Variants in SYNPR observed in about 807,000 individuals in gnomAD.
SYNPR encodes the protein synaptoporin.
Under a neutral mutation model 32.9 loss-of-function variants are expected in SYNPR, and 23 were observed. The observed-to-expected ratio is 0.70, with a 90% CI of 0.50 to 0.99. SYNPR has a LOEUF of 0.99. Ranked by LOEUF, SYNPR falls within the 50% of genes least tolerant of loss-of-function variation. SYNPR has a pLI of 0.00. For missense variants in SYNPR, 318 were observed against 349.3 expected (o/e 0.91, Z 0.71); for synonymous variants, 146 against 135.9 (o/e 1.07, Z -0.52).
At chr3:63,277,440 C>A (rs559737931), upstream of SYNPR, among the ~76,000 whole-genome samples, 10 of 152,196 alleles carry the variant, frequency 6.6e-5, no homozygotes, top group South Asian at 2.1e-3. Flanking sequence ...AACAGTCTAA[C>A]TTTGGAGGAG....
chr3:63,353,116 T>A (rs942434060), intron 2 of SYNPR, among the ~76,000 whole-genome samples: 1 of 152,392 alleles, frequency 6.6e-6, no homozygotes, highest in Non-Finnish European at 1.5e-5. Flanking sequence ...CATTCCAGGT[T>A]CTTTGTCTCT....
chr3:63,328,686 G>A (rs1465243639), intron 2 of SYNPR, among the ~76,000 whole-genome samples: 1 of 152,154 alleles, frequency 6.6e-6, no homozygotes, highest in Non-Finnish European at 1.5e-5. Flanking sequence ...CATCCAATTG[G>A]AGAGTTGATG....
chr3:63,290,215 C>A (rs564739708), intron 2 of SYNPR, among the ~76,000 whole-genome samples: 243 of 152,194 alleles, frequency 1.6e-3, no homozygotes, highest in Middle Eastern at 0.01. Flanking sequence ...ACAGCTATAG[C>A]TAGTATGTTA....
At chr3:63,320,480 C>T (rs1181877730) in intron 2 of SYNPR, among the ~76,000 whole-genome samples, 1 of 151,950 alleles carries the variant, frequency 6.6e-6, no homozygotes, top group Non-Finnish European at 1.5e-5. Flanking sequence ...TGTAAAGCCA[C>T]ACCTTGTAAA....
At chr3:63,505,901 C>T (rs1701577903) in intron 3 of SYNPR, among the ~76,000 whole-genome samples, 1 of 152,014 alleles carries the variant, frequency 6.6e-6, no homozygotes, top group African/African-American at 2.4e-5. Context: ...CTTTGCCAAC[C>T]CTTTTATTGA....
At chr3:63,358,271 C>A (rs545424700) in intron 2 of SYNPR, among the ~76,000 whole-genome samples, 5 of 152,306 alleles carry the variant, frequency 3.3e-5, no homozygotes, top group Non-Finnish European at 7.3e-5. Flanking sequence ...CAGGTGTTCA[C>A]GGGGCTGTGA....
rs2086596665 is a variant in SYNPR, at chr3:63,278,466, C to T, written c.-68C>T. 3.3e-6 allele frequency: 5 copies of T among 1,514,678 alleles called. No homozygotes were observed. The East Asian group carries it at 1.2e-4, about 37-fold the overall frequency. 93.8% of individuals were successfully genotyped at this position (1,514,678 alleles called of 1,614,324 possible). ...CCGAAGGGGCTTCTGGCCCTGAGGA[C>T]GGTGGTGCCAAGCGAACTTCATTTT... On this transcript the variant is annotated 5_prime_UTR_variant, in exon 1 of 6. It adds an upstream start codon to the 5' untranslated region. Coordinates refer to ENST00000478300, the MANE Select transcript of SYNPR (RefSeq NM_001130003.2).
intron 2 of SYNPR, among the ~76,000 whole-genome samples, chr3:63,305,151 T>A (rs1335129080): frequency 6.6e-6 from 1 of 151,956 alleles, no homozygotes; most frequent in Non-Finnish European, 1.5e-5. Context: ...GACTAAAGCC[T>A]CCAGGCAATA....
the SYNPR span, among the ~76,000 whole-genome samples, chr3:63,203,807 G>A: frequency 6.6e-6 from 1 of 151,164 alleles, no homozygotes; most frequent in East Asian, 1.9e-4. Flanking sequence ...GACCAGCCAG[G>A]CCAATCTGGT....
intron 2 of SYNPR, chr3:63,289,504 G>C (rs2086718103): frequency 6.5e-6 from 1 of 154,596 alleles, no homozygotes; most frequent in East Asian, 1.9e-4. Context: ...CAAAAGGTGA[G>C]GAGAAGGTGC....
intron 3 of SYNPR, among the ~76,000 whole-genome samples, chr3:63,510,915 C>CTGTGTGTGTGTGTGTGTGTGTGTGTG (rs755622968): frequency 0.015 from 2,256 of 149,122 alleles, 36 homozygotes; most frequent in Non-Finnish European, 0.024. Context: ...AAAGGTACAA[C>CTGTGTGTGTGTGTGTGTGTGTGTGTG]TGTGTGTGTG....
chr3:63,512,970 A>G (rs967471084), intron 3 of SYNPR, among the ~76,000 whole-genome samples: 6 of 152,100 alleles, frequency 3.9e-5, no homozygotes, highest in African/African-American at 1.4e-4. Context: ...TTTTAGTCCT[A>G]TGGTTAGCAC....
chr3:63,271,108 C>T lies in SYNPR; in HGVS notation n.287+3659C>T, dbSNP rs369287144. Among the ~76,000 whole-genome samples the T allele has an allele frequency of 1.7e-4, 26 of 151,524 alleles. No homozygotes were observed. In the South Asian group the frequency reaches 4.8e-3, roughly 28 times the overall value. On this transcript the variant is annotated intron_variant and non_coding_transcript_variant, in intron 3 of 4. Transcript: ENST00000478456. ...ATTTTAATCTGTTTTCTATTTCTGG[C>T]GAAGAACCTATGTAATTGTACCTTT...
chr3:63,359,248 A>C (rs1235809089), intron 2 of SYNPR, among the ~76,000 whole-genome samples: 1 of 152,180 alleles, frequency 6.6e-6, no homozygotes, highest in Non-Finnish European at 1.5e-5. Flanking sequence ...TTTTGATATC[A>C]TGTAGATAAA....
intron 2 of SYNPR, among the ~76,000 whole-genome samples, chr3:63,360,132 T>A (rs778780727): frequency 1.3e-5 from 2 of 152,176 alleles, no homozygotes; most frequent in Non-Finnish European, 2.9e-5. Context: ...AAATAAAATA[T>A]GTAATTATCT....
chr3:63,243,986 A>T (rs1457473064), intron 1 of SYNPR, among the ~76,000 whole-genome samples: 1 of 152,150 alleles, frequency 6.6e-6, no homozygotes, highest in East Asian at 1.9e-4. Flanking sequence ...GAGCCCTTTA[A>T]GTATTTCAAA....
intron 2 of SYNPR, among the ~76,000 whole-genome samples, chr3:63,346,565 G>A (rs190625114): frequency 1.0e-3 from 153 of 152,146 alleles, no homozygotes; most frequent in African/African-American, 3.4e-3. Context: ...TCCGCCTCCT[G>A]GGTTCAAGCG....
chr3:63,286,178 G>T (rs776664846), intron 2 of SYNPR, among the ~76,000 whole-genome samples: 1 of 152,056 alleles, frequency 6.6e-6, no homozygotes, highest in Non-Finnish European at 1.5e-5. Context: ...CTCTTCAGGC[G>T]CTTGCTCCTT....
At chr3:63,396,821 T>C (rs1444879041) in intron 2 of SYNPR, among the ~76,000 whole-genome samples, 4 of 152,302 alleles carry the variant, frequency 2.6e-5, no homozygotes, top group Admixed American at 6.5e-5. Flanking sequence ...AACATTAACA[T>C]TGGCCGAGCG....
Sources: gnomAD v4.1 joint callset for allele counts (sites outside exome capture counted in the v4.1 genomes callset) on GRCh38, gnomAD v4.1.1 for gene constraint, MANE v1.5 for transcripts, NCBI Gene and HGNC (gene_info 2026-07-23, HGNC 2026-07-21) for gene names.